Variants in AKAP9 observed in about 807,000 individuals in gnomAD.
AKAP9 encodes A-kinase anchoring protein 9, also known as A-kinase anchor protein 9.
A neutral mutation model predicts 488.5 loss-of-function variants in AKAP9; 311 were observed. The observed-to-expected ratio is 0.64, with a 90% confidence interval of 0.58 to 0.70. AKAP9 has a LOEUF of 0.70. Among genes scored for constraint, AKAP9 ranks in the 30% least tolerant of loss-of-function variants. AKAP9 has a pLI of 0.00. For missense variants in AKAP9, 4,215 were observed against 4,374.5 expected (o/e 0.96, Z 1.03); for synonymous variants, 1,462 against 1,483.5 (o/e 0.99, Z 0.33).
chr7:92,066,529 G>C lies in AKAP9; in HGVS notation c.6313G>C (p.Glu2105Gln). 1 of 1,613,462 alleles carries C rather than the reference G, an allele frequency of 6.2e-7. No individual in the cohort carries two copies. Among genetic ancestry groups the C allele is most frequent in the Admixed American group, 1.7e-5 (1 of 60,008 alleles). The change falls in exon 26 of 50, where the codon GAA becomes CAA. Residue 2105 changes from glutamate (E) to glutamine (Q), a missense_variant. This residue lies in a region of AKAP9 where 2,361 missense variants were observed against 2,430.0 expected (regional missense o/e 0.97). Transcript: ENST00000356239. ...KVVPRFQPISEHQTREVEQLA... is the reference protein window; with the variant it reads ...KVVPRFQPISQHQTREVEQLA... ...TGTTCCTCGATTCCAGCCTATCAGT[G>C]AACATCAAACTAGAGAGGTAAGAAC... is the stretch of plus-strand genomic sequence containing the variant.
intron 1 of AKAP9, among the ~76,000 whole-genome samples, chr7:91,967,444 C>CAT (rs1454864636): frequency 1.3e-5 from 2 of 152,134 alleles, no homozygotes; most frequent in African/African-American, 4.8e-5. Flanking sequence ...GTGGGTTTGC[C>CAT]ATATATGGCC....
chr7:92,086,109 T>A (rs907684893), intron 36 of AKAP9, 119 bp from the exon 37 acceptor site: 1 of 858,174 alleles, frequency 1.2e-6, no homozygotes, highest in African/African-American at 1.7e-5. Flanking sequence ...AATAAATAAA[T>A]AAAAGAAGTA....
At chr7:91,947,820 A>C (rs553410517) in intron 1 of AKAP9, among the ~76,000 whole-genome samples, 21 of 152,332 alleles carry the variant, frequency 1.4e-4, no homozygotes, top group Admixed American at 3.3e-4. Context: ...TGAAATTCAT[A>C]AGCAAAATTA....
chr7:91,963,456 G>T, intron 1 of AKAP9, among the ~76,000 whole-genome samples: 1 of 150,486 alleles, frequency 6.6e-6, no homozygotes, highest in Non-Finnish European at 1.5e-5. Flanking sequence ...AATATGTTGT[G>T]TGTTATTCTG....
intron 2 of AKAP9, 112 bp downstream of exon 2, chr7:91,974,080 A>G: frequency 7.8e-7 from 1 of 1,279,278 alleles, no homozygotes; most frequent in South Asian, 1.2e-5. Flanking sequence ...TCCTCTTGAA[A>G]GTTTTAGTAG....
intron 21 of AKAP9, among the ~76,000 whole-genome samples, chr7:92,048,210 T>C (rs1807332985): frequency 6.6e-6 from 1 of 152,214 alleles, no homozygotes; most frequent in Non-Finnish European, 1.5e-5. Flanking sequence ...CCAGTCTAAT[T>C]GCGAAGCAAC....
intron 9 of AKAP9, among the ~76,000 whole-genome samples, chr7:92,013,482 A>G (rs1413905255): frequency 1.3e-5 from 2 of 152,214 alleles, no homozygotes; most frequent in East Asian, 1.9e-4. Context: ...TGTTGGTGAT[A>G]AGACCTACTG....
Position 92,065,463 on chromosome 7 carries a change from T to C in AKAP9, c.6210T>C (p.Asp2070=), listed in dbSNP as rs370539051. 3.8e-6 allele frequency: 6 copies of C among 1,598,400 alleles called. No individual in the cohort carries two copies. The highest frequency in any genetic ancestry group is 5.1e-6 in the Non-Finnish European group (6 of 1,167,020). The change falls in exon 25 of 50, where the codon GAT becomes GAC. Residue 2070 remains aspartate, a splice_region_variant and synonymous_variant. Transcript: ENST00000356239. The part of the protein sequence containing the change: ...KQLEKMRKFL[D]EQAIDREHER... ...TAGAAAAAATGAGAAAATTTTTAGATGTAAGTATTCTCAAGTTGAATACTG... is the reference window on the plus strand; with the variant it reads ...TAGAAAAAATGAGAAAATTTTTAGACGTAAGTATTCTCAAGTTGAATACTG...
chr7:92,083,397 A>G lies in AKAP9; in HGVS notation c.8388A>G (p.Gln2796=), dbSNP rs1447017311. 42 of 1,614,002 alleles carry G rather than the reference A, an allele frequency of 2.6e-5. No individual in the cohort carries two copies. Among genetic ancestry groups the G allele is most frequent in the Non-Finnish European group, 3.6e-5 (42 of 1,179,984 alleles). Residue 2796 remains glutamine, a synonymous_variant, in exon 33 of 50, where the codon CAA becomes CAG. Transcript: ENST00000356239. ...LKISSSNQTP[Q]ILVKNAGIQI... is the part of the protein sequence containing the mutation. ...TCAGTAGCAGCAATCAGACTCCACA[A>G]ATTCTTGTTAAAAATGCAGGAATAC...
At chr7:92,048,348 A>G (rs1374004507) in intron 21 of AKAP9, among the ~76,000 whole-genome samples, 1 of 152,232 alleles carries the variant, frequency 6.6e-6, no homozygotes, top group Non-Finnish European at 1.5e-5. Flanking sequence ...AGTAAAGAAT[A>G]AAGTTGCTAA....
At chr7:91,950,402 C>T (rs4236524) in intron 1 of AKAP9, among the ~76,000 whole-genome samples, 91,478 of 151,700 alleles carry the variant, frequency 0.6, 27,851 homozygotes, top group East Asian at 0.83. Context: ...GCTAATTTTT[C>T]TGTATTTTTA....
intron 46 of AKAP9, among the ~76,000 whole-genome samples, chr7:92,103,687 T>C (rs1157718611): frequency 6.8e-6 from 1 of 147,154 alleles, no homozygotes; most frequent in Non-Finnish European, 1.5e-5. Context: ...AGAGCAAGAC[T>C]CTGTCTCAAA....
In AKAP9 at chr7:92,089,445, T is replaced by C; in HGVS notation, c.9274T>C (p.Ser3092Pro). The C allele has an allele frequency of 6.2e-7, 1 of 1,612,784 alleles. No individual in the cohort carries two copies. Residue 3092 changes from serine (S) to proline (P), a missense_variant, in exon 38 of 50, where the codon TCT (serine) becomes CCT (proline). Transcript: ENST00000356239. ...LQKADRRSLL[S>P]EIQALHAQMN... is the part of the protein sequence containing the mutation. ...GAAAGCAGATAGAAGGAGTTTGTTA[T>C]CTGAAATTCAGGCACTGCATGCACA...
At chr7:92,007,341 A>G (rs983922386) in intron 8 of AKAP9, among the ~76,000 whole-genome samples, 2 of 118,660 alleles carry the variant, frequency 1.7e-5, no homozygotes, top group South Asian at 2.7e-4. Flanking sequence ...CACCCAGGCT[A>G]GAGTGGATCT....
At chr7:91,998,417 T>A (rs909578583) in intron 7 of AKAP9, among the ~76,000 whole-genome samples, 1 of 92,440 alleles carries the variant, frequency 1.1e-5, no homozygotes, top group African/African-American at 4.4e-5. Context: ...ACCACAGGGC[T>A]CTTTTTTTTT....
At chr7:92,035,896 A>G (rs1410604451) in intron 16 of AKAP9, among the ~76,000 whole-genome samples, 2 of 152,188 alleles carry the variant, frequency 1.3e-5, no homozygotes, top group African/African-American at 4.8e-5. Flanking sequence ...TTATAGCATC[A>G]GTATTTCAAT....
chr7:91,963,810 G>A (rs930666299), intron 1 of AKAP9, among the ~76,000 whole-genome samples: 29 of 152,032 alleles, frequency 1.9e-4, no homozygotes, highest in African/African-American at 6.5e-4. Context: ...GAGCCACCGC[G>A]CCCAGCCATT....
At position 91,966,850 on chromosome 7, in the gene AKAP9, T is replaced by C. The variant is rs139400408; in HGVS notation, c.49-6861T>C. ...ATCAAAATTTTAAGATTGTTTTTTC[T>C]ATTTCTGTGAATAATGGCATTGGTA... is the stretch of plus-strand genomic sequence containing the variant. On this transcript the variant is annotated intron_variant, in intron 1 of 49. Coordinates refer to ENST00000356239, the MANE Select transcript of AKAP9 (RefSeq NM_005751.5). Among the ~76,000 whole-genome samples the C allele has an allele frequency of 2.0e-5, 3 of 152,328 alleles. No homozygotes were observed. The East Asian group carries it at 5.8e-4, about 29-fold the overall frequency.
intron 2 of AKAP9, among the ~76,000 whole-genome samples, chr7:91,975,727 G>GT (rs1349776602): frequency 4.0e-5 from 6 of 150,724 alleles, no homozygotes; most frequent in Admixed American, 6.6e-5. Flanking sequence ...AAGCATTCAG[G>GT]TTTTTTTTTA....
Sources: gnomAD v4.1 joint callset for allele counts (sites outside exome capture counted in the v4.1 genomes callset) on GRCh38, gnomAD v4.1.1 for gene constraint, gnomAD v4.1.1 regional missense constraint, MANE v1.5 for transcripts, NCBI Gene and HGNC (gene_info 2026-07-23, HGNC 2026-07-21) for gene names.